The following FMNL2 variants were observed in gnomAD, a reference collection of about 807,000 sequenced individuals.
The protein encoded by FMNL2 is formin-like protein 2.
In FMNL2, 51 loss-of-function variants were observed where a neutral mutation model predicts 130.2. The observed-to-expected ratio is 0.39, with a 90% CI of 0.31 to 0.49. The LOEUF is 0.49. Among genes scored for constraint, FMNL2 ranks in the 20% least tolerant of loss-of-function variants. The probability of loss-of-function intolerance (pLI) is 0.85; values close to 1 mark genes in which losing one functional copy is unlikely to be tolerated. For missense variants in FMNL2, 977 were observed against 1,316.2 expected (o/e 0.74, Z 3.99); for synonymous variants, 465 against 467.1 (o/e 1.00, Z 0.06).
At chr2:152,362,223 G>A (rs975171323) in intron 1 of FMNL2, among the ~76,000 whole-genome samples, 5 of 151,666 alleles carry the variant, frequency 3.3e-5, no homozygotes, top group African/African-American at 4.8e-5. Context: ...CGGGATGGTT[G>A]CACACTTGTG....
At chr2:152,394,685 A>G (rs927907550) in intron 1 of FMNL2, among the ~76,000 whole-genome samples, 3 of 149,832 alleles carry the variant, frequency 2.0e-5, no homozygotes, top group Non-Finnish European at 4.4e-5. Flanking sequence ...AGAAAAGTGC[A>G]ATTAATAGTT....
rs114730599 is a variant in FMNL2 at position 152,463,314 on chromosome 2, C to T, written c.118-58629C>T. Among the ~76,000 whole-genome samples the T allele has an allele frequency of 4.7e-3, 715 of 152,234 alleles. 6 individuals carry two copies. Among genetic ancestry groups the T allele is most frequent in the African/African-American group, 0.016 (680 of 41,550 alleles). On this transcript the variant is annotated intron_variant, in intron 1 of 25. Coordinates refer to ENST00000288670, the MANE Select transcript of FMNL2 (RefSeq NM_052905.4). Reference sequence around the variant, plus strand: ...TAGACATGAATTAATTCAACCCTCACAACAGCCCTGGGAGATAGGGCCTAT... The same window carrying T: ...TAGACATGAATTAATTCAACCCTCATAACAGCCCTGGGAGATAGGGCCTAT...
At chr2:152,541,666 A>G (rs757312621) in intron 2 of FMNL2, among the ~76,000 whole-genome samples, 1 of 152,146 alleles carries the variant, frequency 6.6e-6, no homozygotes, top group African/African-American at 2.4e-5. Flanking sequence ...ATATAAAACC[A>G]TATATCTATA....
At chr2:152,404,444 G>T (rs1031682673) in intron 1 of FMNL2, among the ~76,000 whole-genome samples, 1 of 152,132 alleles carries the variant, frequency 6.6e-6, no homozygotes, top group Non-Finnish European at 1.5e-5. Flanking sequence ...CATCTTTGGG[G>T]ATAATGTCAT....
chr2:152,564,775 GGTTT>G (rs771349204), intron 6 of FMNL2, among the ~76,000 whole-genome samples: 1 of 9,814 alleles, frequency 1.0e-4, no homozygotes, highest in African/African-American at 2.6e-4. Context: ...ATACAAGGTT[GGTTT>G]TTTTTTTTTT....
At chr2:152,432,131 T>G (rs565753074) in intron 1 of FMNL2, among the ~76,000 whole-genome samples, 1 of 152,170 alleles carries the variant, frequency 6.6e-6, no homozygotes, top group East Asian at 1.9e-4. Flanking sequence ...ATTTGGCTAA[T>G]ATCTATGTAA....
At chr2:152,340,192 GAA>G (rs987839351) in intron 1 of FMNL2, among the ~76,000 whole-genome samples, 3 of 152,158 alleles carry the variant, frequency 2.0e-5, no homozygotes, top group Admixed American at 2.0e-4. Context: ...TCTCAAAAAA[GAA>G]AAAGATATCT....
chr2:152,386,407 T>C (rs1031390445), intron 1 of FMNL2, among the ~76,000 whole-genome samples: 2 of 152,204 alleles, frequency 1.3e-5, no homozygotes, highest in African/African-American at 4.8e-5. Context: ...CTTGTCATCT[T>C]CTCCCTGAGA....
chr2:152,589,033 C>T (rs966750986), intron 9 of FMNL2, among the ~76,000 whole-genome samples: 1 of 151,290 alleles, frequency 6.6e-6, no homozygotes, highest in African/African-American at 2.4e-5. Flanking sequence ...GAGTCATCTG[C>T]TTCATCAGCT....
intron 1 of FMNL2, among the ~76,000 whole-genome samples, chr2:152,433,464 AC>A (rs1687599321): frequency 6.6e-6 from 1 of 152,170 alleles, no homozygotes; most frequent in African/African-American, 2.4e-5. Flanking sequence ...AATCAACCCA[AC>A]TTCTCTTCTC....
At chr2:152,403,670 T>C (rs1453590707) in intron 1 of FMNL2, among the ~76,000 whole-genome samples, 1 of 152,178 alleles carries the variant, frequency 6.6e-6, no homozygotes, top group Non-Finnish European at 1.5e-5. Context: ...ATCACATACT[T>C]GGTGGCCTGA....
At position 152,643,644 on chromosome 2, in the gene FMNL2, TTG is replaced by T. The variant is rs953377577; in HGVS notation, c.3169+2734_3169+2735del. On this transcript the variant is annotated intron_variant, in intron 25 of 25. Transcript: ENST00000288670. ...ATTGCCATCTCCATCATGTTATATT[TTG>T]TGTTGTTCTCATGCTGCATGGTTTT... The T allele has an allele frequency of 2.5e-4, 375 of 1,473,082 alleles. 2 individuals are homozygous for T. Among genetic ancestry groups the T allele is most frequent in the Non-Finnish European group, 3.1e-4 (346 of 1,114,278 alleles). The allele number at this position is 1,473,082 out of a possible 1,614,324, so 91.3% of individuals were successfully genotyped here.
chr2:152,508,215 C>T (rs1019706986), intron 1 of FMNL2, among the ~76,000 whole-genome samples: 4 of 150,954 alleles, frequency 2.6e-5, no homozygotes, highest in Admixed American at 6.6e-5. Context: ...AACGCTGAAA[C>T]GACAGACCCC....
intron 1 of FMNL2, among the ~76,000 whole-genome samples, chr2:152,507,452 T>C (rs965963785): frequency 6.6e-6 from 1 of 152,228 alleles, no homozygotes; most frequent in Non-Finnish European, 1.5e-5. Context: ...ACACTTTGCA[T>C]GTGTTCTCTC....
At chr2:152,425,224 C>G (rs912155226) in intron 1 of FMNL2, among the ~76,000 whole-genome samples, 1 of 152,122 alleles carries the variant, frequency 6.6e-6, no homozygotes, top group African/African-American at 2.4e-5. Context: ...CAATATGGGC[C>G]TTATTATAAA....
At chr2:152,602,440 C>T (rs1183660810) in intron 9 of FMNL2, among the ~76,000 whole-genome samples, 14 of 152,136 alleles carry the variant, frequency 9.2e-5, no homozygotes, top group Non-Finnish European at 1.9e-4. Context: ...TAGTCTAATT[C>T]CTGATAGGGC....
intron 1 of FMNL2, among the ~76,000 whole-genome samples, chr2:152,486,280 A>G (rs1690825525): frequency 6.6e-6 from 1 of 152,354 alleles, no homozygotes; most frequent in African/African-American, 2.4e-5. Flanking sequence ...GTGTGTCACA[A>G]GACTTAAGCT....
rs192086207 is a variant in FMNL2, at chr2:152,404,061, C to T, written c.117+68341C>T. Among the ~76,000 whole-genome samples the T allele has an allele frequency of 7.2e-3, 1,099 of 152,244 alleles. 6 individuals are homozygous for T. The highest frequency in any genetic ancestry group is 0.01 in the Non-Finnish European group (714 of 68,018). On this transcript the variant is annotated intron_variant, in intron 1 of 25. Coordinates refer to ENST00000288670, the MANE Select transcript of FMNL2 (RefSeq NM_052905.4). ...GCAGCCTGGTGACAGAGCGAGACTC[C>T]GTCTCAATAAATAAATAAATAAATG...
chr2:152,613,226 G>T (rs1006094416), intron 11 of FMNL2, among the ~76,000 whole-genome samples: 1 of 152,202 alleles, frequency 6.6e-6, no homozygotes, highest in Non-Finnish European at 1.5e-5. Context: ...TGAGATCAAG[G>T]TTTGTCTATC....
Sources: allele counts gnomAD v4.1 joint callset (sites outside exome capture counted in the v4.1 genomes callset), GRCh38; gene constraint gnomAD v4.1.1; transcripts MANE v1.5; gene names NCBI Gene and HGNC (gene_info 2026-07-23, HGNC 2026-07-21).